PNPLA6: variants seen among roughly 807,000 people sequenced by gnomAD.
PNPLA6 encodes the protein patatin-like phospholipase domain-containing protein 6.
PNPLA6 carries 105 observed loss-of-function variants against 153.7 expected under a neutral mutation model. That is an observed-to-expected ratio of 0.68 (90% CI 0.58 to 0.80). PNPLA6 has a LOEUF of 0.80. Ranked by LOEUF, PNPLA6 falls within the 30% of genes least tolerant of loss-of-function variation. PNPLA6 has a pLI of 0.00. For missense variants in PNPLA6, 1,423 were observed against 1,919.3 expected (o/e 0.74, Z 4.83); for synonymous variants, 825 against 822.2 (o/e 1.00, Z -0.06).
intron 17 of PNPLA6, 43 bp from the exon 18 acceptor site, chr19:7,551,319 G>A (rs940820905): frequency 1.9e-6 from 3 of 1,589,078 alleles, no homozygotes; most frequent in Non-Finnish European, 2.6e-6. Flanking sequence ...CTGGACAGCC[G>A]CTTCCCAGGT....
intron 2 of PNPLA6, 31 bp downstream of exon 2, chr19:7,536,304 AC>A: frequency 6.4e-7 from 1 of 1,557,468 alleles, no homozygotes; most frequent in Non-Finnish European, 8.9e-7. Context: ...GTCCGCCCTG[AC>A]CACACAGAGG....
rs1168425358 is a variant in PNPLA6, at chr19:7,542,442, C to G, written c.1253-119C>G. 6 of 789,178 alleles carry G rather than the reference C, an allele frequency of 7.6e-6. No individual in the cohort carries two copies. The East Asian group carries it at 1.6e-4, about 21-fold the overall frequency. The allele number at this position is 789,178 out of a possible 1,614,324, so 48.9% of individuals were successfully genotyped here. ...CTCGAACTCCTATGCTCAAGTGATC[C>G]TCCAGCCCCAGCCTCCCAAATAGCT... On this transcript the variant is annotated intron_variant, in intron 10 of 31. Coordinates refer to ENST00000600737, the MANE Select transcript of PNPLA6 (RefSeq NM_001166114.2).
intron 13 of PNPLA6, among the ~76,000 whole-genome samples, chr19:7,544,023 C>T (rs898974539): frequency 2.0e-5 from 3 of 151,530 alleles, no homozygotes; most frequent in Non-Finnish European, 4.4e-5. Context: ...CTGTGTTAGC[C>T]AGGGTGGTCT....
intron 27 of PNPLA6, among the ~76,000 whole-genome samples, chr19:7,557,795 A>G (rs1325570850): frequency 2.0e-5 from 3 of 150,976 alleles, no homozygotes; most frequent in Non-Finnish European, 3.0e-5. Flanking sequence ...AAAAAAAAAA[A>G]AAAGAAAGAA....
rs583984 is a variant in PNPLA6, at chr19:7,553,635, T to C, written c.2261-240T>C. On this transcript the variant is annotated intron_variant, in intron 18 of 31. Coordinates refer to ENST00000600737, the MANE Select transcript of PNPLA6 (RefSeq NM_001166114.2). ...CCACTGAGGTGATCAGGGCCCAAAG[T>C]GGAGGGTAGATGGCCAGGTTTTAAC... 0.42 allele frequency among the ~76,000 whole-genome samples: 63,371 copies of C among 151,956 alleles called. 13,994 individuals carry two copies. Among genetic ancestry groups the C allele is most frequent in the South Asian group, 0.56 (2,692 of 4,826 alleles).
chr19:7,550,849 C>A, intron 16 of PNPLA6, 145 bp from the exon 17 acceptor site: 1 of 892,710 alleles, frequency 1.1e-6, no homozygotes, highest in Non-Finnish European at 1.7e-6. Context: ...CTCCCCAGAG[C>A]TCTAATGGGT....
chr19:7,558,130 C>A (rs1040205904), intron 27 of PNPLA6, among the ~76,000 whole-genome samples: 1 of 152,236 alleles, frequency 6.6e-6, no homozygotes, highest in African/African-American at 2.4e-5. Flanking sequence ...GGATGCGGCA[C>A]CTCTGACCGA....
chr19:7,535,725 G>T lies in PNPLA6; in HGVS notation c.-64G>T. 1.3e-6 allele frequency: 2 copies of T among 1,519,348 alleles called. No homozygotes were observed. The highest frequency in any genetic ancestry group is 2.4e-5 in the South Asian group (2 of 82,974). 94.1% of individuals were successfully genotyped at this position (1,519,348 alleles called of 1,614,324 possible). On this transcript the variant is annotated 5_prime_UTR_variant, in exon 1 of 32. Coordinates refer to ENST00000600737, the MANE Select transcript of PNPLA6 (RefSeq NM_001166114.2). The surrounding 1 kb of genome is among the most constrained non-coding windows in gnomAD (Gnocchi z 5.0). The stretch of plus-strand genomic sequence containing the variant: ...ACTACGTTTCCCGGCATGCACTGCG[G>T]GCCGCCGGGCCTCAGGGAAGAGTCG...
Position 7,561,579 on chromosome 19 carries a change from C to G in PNPLA6, c.*17C>G, listed in dbSNP as rs373786523. The stretch of plus-strand genomic sequence containing the variant: ...GATGCCTGAGGACCTCGACAGGGGT[C>G]ACCCCCTCCCTCCCACCCCTGGACT... On this transcript the variant is annotated 3_prime_UTR_variant, in exon 32 of 32. Coordinates refer to ENST00000600737, the MANE Select transcript of PNPLA6 (RefSeq NM_001166114.2). 4 of 1,558,110 alleles carry G rather than the reference C, an allele frequency of 2.6e-6. No homozygotes were observed. Among genetic ancestry groups the G allele is most frequent in the Non-Finnish European group, 3.5e-6 (4 of 1,149,808 alleles).
At position 7,555,773 on chromosome 19, in the gene PNPLA6, G is replaced by T. The variant is rs1263798920; in HGVS notation, c.3093+10G>T. 5 of 1,612,710 alleles carry T rather than the reference G, an allele frequency of 3.1e-6. No homozygotes were observed. The highest frequency in any genetic ancestry group is 4.2e-6 in the Non-Finnish European group (5 of 1,179,790). On this transcript the variant is annotated intron_variant, in intron 24 of 31. Transcript: ENST00000600737. The surrounding 1 kb of genome is among the most constrained non-coding windows in gnomAD (Gnocchi z 6.3). ...CCGGGAGTGGGCCAAGGTGTGTGTTGCGAGGAGGGATTGCTGCACCCCAGG... is the reference window on the plus strand; with the variant it reads ...CCGGGAGTGGGCCAAGGTGTGTGTTTCGAGGAGGGATTGCTGCACCCCAGG...
intron 27 of PNPLA6, among the ~76,000 whole-genome samples, chr19:7,557,812 C>G (rs147936533): frequency 2.2e-3 from 323 of 149,346 alleles, no homozygotes; most frequent in African/African-American, 7.6e-3. Flanking sequence ...AGAAAGAAAT[C>G]TACATCTACC....
chr19:7,542,060 C>T lies in PNPLA6; in HGVS notation c.1245C>T (p.Asp415=). 1 of 1,605,932 alleles carries T rather than the reference C, an allele frequency of 6.2e-7. No individual in the cohort carries two copies. Among genetic ancestry groups the T allele is most frequent in the Non-Finnish European group, 8.5e-7 (1 of 1,179,812 alleles). Residue 415 remains aspartate, a synonymous_variant, in exon 10 of 32, where the codon GAC becomes GAT. Coordinates refer to ENST00000600737, the MANE Select transcript of PNPLA6 (RefSeq NM_001166114.2). ...GCCGCTGCGTCTCCATGCCAGGGGA[C>T]ATCTCAGGTTTGGAGCACTGGGTCT... ...LLSRCVSMPG[D]ISGLQGGPRS... is the part of the protein sequence containing the mutation.
chr19:7,560,790 A>T, intron 29 of PNPLA6, 26 bp downstream of exon 29: 1 of 1,391,358 alleles, frequency 7.2e-7, no homozygotes, highest in African/African-American at 1.4e-5. Context: ...CCCCAGGGCC[A>T]CTCTGACTCC....
chr19:7,551,501 G>A (rs1401398493), intron 18 of PNPLA6, 64 bp downstream of exon 18: 2 of 1,369,058 alleles, frequency 1.5e-6, no homozygotes, highest in Non-Finnish European at 2.1e-6. Flanking sequence ...CATGCTGGGA[G>A]GGAAGCCTTC....
In PNPLA6 at chr19:7,558,996, A is replaced by C; in HGVS notation, c.3544A>C (p.Lys1182Gln). 1 of 1,614,180 alleles carries C rather than the reference A, an allele frequency of 6.2e-7. No homozygotes were observed. Among genetic ancestry groups the C allele is most frequent in the Non-Finnish European group, 8.5e-7 (1 of 1,180,034 alleles). The change falls in exon 28 of 32, where the codon AAG (lysine) becomes CAG (glutamine). Residue 1182 changes from lysine to glutamine, a missense_variant. Physicochemically the swap from Lys to Gln is moderately conservative, Grantham distance 53. Coordinates refer to ENST00000600737, the MANE Select transcript of PNPLA6 (RefSeq NM_001166114.2). ...KRLNPWADKV[K>Q]VPDMAEIQSR... ...GCTGAATCCCTGGGCTGACAAGGTA[A>C]AGGTTCCAGACATGGCTGAAATCCA...
At position 7,551,426 on chromosome 19, in the gene PNPLA6, G is replaced by C. The variant is rs1382958368; in HGVS notation, c.2249G>C (p.Gly750Ala). 6.2e-7 allele frequency: 1 copy of C among 1,613,890 alleles called. No homozygotes were observed. The highest frequency in any genetic ancestry group is 1.7e-5 in the Admixed American group (1 of 60,012). Reference protein sequence around the residue: ...KILGNLQQLQGPFPGSGLGVP... With the variant: ...KILGNLQQLQAPFPGSGLGVP... ...CTAGGGAATTTGCAGCAGCTGCAAG[G>C]ACCCTTCCCAGGTGAGAGCCGGCCG... The change falls in exon 18 of 32, where the codon GGA becomes GCA. Residue 750 changes from glycine to alanine, a missense_variant. Coordinates refer to ENST00000600737, the MANE Select transcript of PNPLA6 (RefSeq NM_001166114.2).
chr19:7,554,313 C>G lies in PNPLA6; in HGVS notation c.2465+41C>G, dbSNP rs534464. On this transcript the variant is annotated intron_variant, in intron 20 of 31. Transcript: ENST00000600737. ...GGGAGTGGGGAGGGTGGTGGGTGGG[C>G]CTGGAGCCTCAAATTCTTTCAGACC... 0.78 allele frequency: 1,229,826 copies of G among 1,567,296 alleles called. 484,474 individuals are homozygous for G. The highest frequency in any genetic ancestry group is 0.87 in the Admixed American group (52,339 of 59,938).
chr19:7,556,619 C>T (rs367951972), intron 25 of PNPLA6, 36 bp from the exon 26 acceptor site: 333 of 1,575,332 alleles, frequency 2.1e-4, no homozygotes, highest in Non-Finnish European at 2.3e-4. Flanking sequence ...GGAGGAGCCC[C>T]CTGCTCCTCC....
intron 27 of PNPLA6, 37 bp from the exon 28 acceptor site, chr19:7,558,813 C>T (rs756432885): frequency 1.1e-5 from 17 of 1,566,350 alleles, no homozygotes; most frequent in Middle Eastern, 1.8e-4. Flanking sequence ...CCCGGGCCCC[C>T]GAGGGGAGCA....
Sources: gnomAD v4.1 joint callset for allele counts (sites outside exome capture counted in the v4.1 genomes callset) on GRCh38, gnomAD v4.1.1 for gene constraint, Gnocchi (gnomAD v3.1) non-coding constraint, MANE v1.5 for transcripts, NCBI Gene and HGNC (gene_info 2026-07-23, HGNC 2026-07-21) for gene names.